UGGT2: variants seen among roughly 807,000 people sequenced by gnomAD.
The protein encoded by UGGT2 is UDP-glucose glycoprotein glucosyltransferase 2, also known as UDP-glucose:glycoprotein glucosyltransferase 2.
Under a neutral mutation model 192.1 loss-of-function variants are expected in UGGT2, and 180 were observed. The ratio of observed to expected loss-of-function variants is 0.94; its 90% CI spans 0.83 to 1.06. The LOEUF (loss-of-function observed/expected upper bound fraction) is 1.06, where lower values mean the gene tolerates loss of function less well. Ranked by LOEUF, UGGT2 falls within the 50% of genes least tolerant of loss-of-function variation. The pLI is 0.00. For synonymous variants in UGGT2, 580 were observed against 591.0 expected, an observed-to-expected ratio of 0.98 and a Z score of 0.27; for missense variants, 1,849 against 1,795.7, an observed-to-expected ratio of 1.03 and a Z score of -0.54.
chr13:95,839,023 C>T (rs1256389982), intron 36 of UGGT2, among the ~76,000 whole-genome samples: 1 of 152,042 alleles, frequency 6.6e-6, no homozygotes, highest in Non-Finnish European at 1.5e-5. Flanking sequence ...AATATACTCT[C>T]AACTGTCTTA....
At chr13:95,904,866 G>A (rs367755516) in intron 20 of UGGT2, among the ~76,000 whole-genome samples, 8 of 151,110 alleles carry the variant, frequency 5.3e-5, no homozygotes, top group South Asian at 4.2e-4. Flanking sequence ...CTGAGGAATC[G>A]CCACACTGAC....
At chr13:96,011,468 A>G (rs1163508941) in intron 5 of UGGT2, among the ~76,000 whole-genome samples, 1 of 152,124 alleles carries the variant, frequency 6.6e-6, no homozygotes, top group Non-Finnish European at 1.5e-5. Flanking sequence ...TAAAACCACA[A>G]TGAGATACCA....
chr13:95,958,150 G>GA (rs1420766550), intron 12 of UGGT2, among the ~76,000 whole-genome samples: 2 of 151,958 alleles, frequency 1.3e-5, no homozygotes, highest in Non-Finnish European at 2.9e-5. Context: ...CTCTGAGAAG[G>GA]CAGAATTTTT....
chr13:96,043,290 TAC>T (rs2139207980), intron 1 of UGGT2, among the ~76,000 whole-genome samples: 1 of 152,274 alleles, frequency 6.6e-6, no homozygotes, highest in African/African-American at 2.4e-5. Context: ...GAAGGAAAGA[TAC>T]AGTCTTTTCC....
chr13:95,985,983 C>T (rs553682542), intron 9 of UGGT2, among the ~76,000 whole-genome samples: 127 of 152,194 alleles, frequency 8.3e-4, no homozygotes, highest in African/African-American at 2.9e-3. Context: ...TAGAGTAATA[C>T]TTTTTATCAT....
chr13:96,049,197 A>T (rs570920017), intron 1 of UGGT2, among the ~76,000 whole-genome samples: 2 of 152,354 alleles, frequency 1.3e-5, no homozygotes, highest in East Asian at 3.9e-4. Context: ...CAATAAACAT[A>T]ATTCATCATA....
At chr13:95,885,495 A>G (rs1031026699) in intron 26 of UGGT2, among the ~76,000 whole-genome samples, 2 of 152,230 alleles carry the variant, frequency 1.3e-5, no homozygotes, top group African/African-American at 4.8e-5. Flanking sequence ...AGCCACAGAG[A>G]GAGAATGTCA....
intron 4 of UGGT2, 54 bp downstream of exon 4, chr13:96,022,986 T>C: frequency 7.6e-7 from 1 of 1,308,264 alleles, no homozygotes; most frequent in Non-Finnish European, 1.0e-6. Context: ...GTTTCTGCTA[T>C]TGAACTCTCC....
intron 38 of UGGT2, among the ~76,000 whole-genome samples, chr13:95,823,643 T>A (rs913971526): frequency 2.0e-5 from 3 of 152,088 alleles, no homozygotes; most frequent in Admixed American, 6.6e-5. Flanking sequence ...TGAATTTATG[T>A]GAATTCTTAT....
At chr13:95,873,681 T>C (rs975361818) in intron 29 of UGGT2, among the ~76,000 whole-genome samples, 1 of 152,222 alleles carries the variant, frequency 6.6e-6, no homozygotes, top group African/African-American at 2.4e-5. Flanking sequence ...CTGTAAGTGA[T>C]AAATCTTTGA....
intron 36 of UGGT2, among the ~76,000 whole-genome samples, chr13:95,846,161 G>C (rs989686916): frequency 6.6e-6 from 1 of 152,196 alleles, no homozygotes; most frequent in Non-Finnish European, 1.5e-5. Context: ...ACGAGACTCC[G>C]TGTGCAATCC....
chr13:95,841,040 G>C (rs1404199017), intron 36 of UGGT2, among the ~76,000 whole-genome samples: 23 of 152,020 alleles, frequency 1.5e-4, no homozygotes, highest in Non-Finnish European at 4.4e-5. Context: ...TCACCCACTG[G>C]GGCCTATTGG....
chr13:95,803,081 G>A (rs542141161), intron 38 of UGGT2, among the ~76,000 whole-genome samples: 246 of 152,174 alleles, frequency 1.6e-3, no homozygotes, highest in African/African-American at 5.4e-3. Context: ...TGATCCGCCC[G>A]TCTTGGCCTC....
chr13:95,955,810 A>C (rs2050196870), intron 12 of UGGT2, among the ~76,000 whole-genome samples: 1 of 152,196 alleles, frequency 6.6e-6, no homozygotes, highest in South Asian at 2.1e-4. Flanking sequence ...CTATAAAGTG[A>C]TATTTCTTTT....
At chr13:95,825,115 A>G (rs1411851166) in intron 38 of UGGT2, among the ~76,000 whole-genome samples, 1 of 152,054 alleles carries the variant, frequency 6.6e-6, no homozygotes, top group East Asian at 1.9e-4. Flanking sequence ...TGTGTTGGCA[A>G]GTTTGCTATC....
intron 10 of UGGT2, among the ~76,000 whole-genome samples, chr13:95,979,983 A>G (rs1432553671): frequency 1.3e-5 from 2 of 152,180 alleles, no homozygotes; most frequent in Non-Finnish European, 2.9e-5. Flanking sequence ...AATTTAAAAA[A>G]CCAAAAAGTA....
chr13:95,810,611 A>C (rs1266629300), intron 38 of UGGT2, among the ~76,000 whole-genome samples: 1 of 152,128 alleles, frequency 6.6e-6, no homozygotes, highest in Non-Finnish European at 1.5e-5. Flanking sequence ...GTTTTTTCAA[A>C]TTGTTGCAAA....
chr13:95,840,755 T>A (rs1267096306), intron 36 of UGGT2, among the ~76,000 whole-genome samples: 1 of 152,180 alleles, frequency 6.6e-6, no homozygotes, highest in Non-Finnish European at 1.5e-5. Flanking sequence ...CGCACATGTA[T>A]GTTTACCGCA....
intron 1 of UGGT2, among the ~76,000 whole-genome samples, chr13:96,049,547 T>C (rs2053423398): frequency 6.6e-6 from 1 of 152,208 alleles, no homozygotes; most frequent in African/African-American, 2.4e-5. Context: ...TTGTCCCTGT[T>C]GGCAGATGAT....
Sources: gnomAD v4.1 joint callset for allele counts (sites outside exome capture counted in the v4.1 genomes callset) on GRCh38, gnomAD v4.1.1 for gene constraint, MANE v1.5 for transcripts, NCBI Gene and HGNC (gene_info 2026-07-23, HGNC 2026-07-21) for gene names.